Variants in DEPDC5 observed in about 807,000 individuals in gnomAD.
The protein encoded by DEPDC5 is GATOR1 complex protein DEPDC5.
In DEPDC5, 73 loss-of-function variants were observed where a neutral mutation model predicts 217.3. The observed-to-expected ratio is 0.34, with a 90% confidence interval of 0.28 to 0.41. The LOEUF (loss-of-function observed/expected upper bound fraction) is 0.41. Ranked by LOEUF, DEPDC5 falls within the 10% of genes least tolerant of loss-of-function variation. The pLI is 1.00. For synonymous variants in DEPDC5, 733 were observed against 756.7 expected (o/e 0.97, Z 0.51); for missense variants, 1,675 against 2,070.1 (o/e 0.81, Z 3.70).
chr22:31,781,549 C>T (rs1469568663), intron 8 of DEPDC5, among the ~76,000 whole-genome samples: 1 of 152,108 alleles, frequency 6.6e-6, no homozygotes, highest in Non-Finnish European at 1.5e-5. Flanking sequence ...TCTCTTGCCT[C>T]AGCCTCCTGA....
At chr22:31,777,907 C>A in intron 7 of DEPDC5, 192 bp from the exon 8 acceptor site, 1 of 574,108 alleles carries the variant, frequency 1.7e-6, no homozygotes, top group African/African-American at 1.9e-5. Flanking sequence ...GTCACCATGC[C>A]CGGCTAAATT....
intron 12 of DEPDC5, among the ~76,000 whole-genome samples, chr22:31,793,986 C>T (rs1319465390): frequency 6.6e-6 from 1 of 152,128 alleles, no homozygotes; most frequent in African/African-American, 2.4e-5. Context: ...ATTTAAATAT[C>T]ACAGCATCCC....
intron 31 of DEPDC5, among the ~76,000 whole-genome samples, chr22:31,854,257 T>G (rs1472844773): frequency 6.6e-6 from 1 of 152,244 alleles, no homozygotes; most frequent in East Asian, 1.9e-4. Context: ...AATCCCTGAC[T>G]CCTAGTCAGT....
chr22:31,888,342 C>T (rs1479203678), intron 38 of DEPDC5, among the ~76,000 whole-genome samples: 6 of 149,188 alleles, frequency 4.0e-5, no homozygotes, highest in Admixed American at 1.3e-4. Context: ...CTCCGCCTCC[C>T]GGTTTCAAGC....
intron 22 of DEPDC5, among the ~76,000 whole-genome samples, chr22:31,821,164 A>AT (rs1176998845): frequency 6.6e-6 from 1 of 152,190 alleles, no homozygotes; most frequent in Non-Finnish European, 1.5e-5. Flanking sequence ...TTTCACTTGT[A>AT]TTTCCCTCTT....
At chr22:31,896,141 A>G (rs2093548430) in intron 39 of DEPDC5, among the ~76,000 whole-genome samples, 1 of 152,142 alleles carries the variant, frequency 6.6e-6, no homozygotes, top group Non-Finnish European at 1.5e-5. Flanking sequence ...TACACCTTTC[A>G]CATCTGTTCA....
chr22:31,864,003 T>C (rs2149175836), intron 33 of DEPDC5, among the ~76,000 whole-genome samples: 1 of 152,302 alleles, frequency 6.6e-6, no homozygotes, highest in Admixed American at 6.5e-5. Context: ...CTTATGTTTA[T>C]TTATTATTTA....
intron 15 of DEPDC5, 86 bp downstream of exon 15, chr22:31,802,924 G>A (rs751054723): frequency 5.5e-6 from 8 of 1,450,288 alleles, no homozygotes; most frequent in Admixed American, 2.5e-5. Flanking sequence ...ACTTCTTAGA[G>A]TGTGAGGAGC....
intron 16 of DEPDC5, 95 bp from the exon 17 acceptor site, chr22:31,804,747 A>AT: frequency 1.6e-5 from 22 of 1,339,058 alleles, no homozygotes; most frequent in African/African-American, 2.9e-5. Context: ...GCCCTAAAAA[A>AT]TTTTTTTTAA....
intron 24 of DEPDC5, among the ~76,000 whole-genome samples, chr22:31,829,972 T>A (rs2090464533): frequency 1.3e-5 from 2 of 152,246 alleles, no homozygotes; most frequent in South Asian, 4.1e-4. Flanking sequence ...AGGCTTAGAA[T>A]CTGCAACTTG....
At chr22:31,864,854 A>AT (rs1189703477) in intron 33 of DEPDC5, among the ~76,000 whole-genome samples, 5 of 151,656 alleles carry the variant, frequency 3.3e-5, no homozygotes, top group East Asian at 1.9e-4. Flanking sequence ...ACAGCCAGAT[A>AT]TTTTTTTTGT....
chr22:31,774,450 C>T (rs989988772), intron 7 of DEPDC5, among the ~76,000 whole-genome samples: 1 of 151,948 alleles, frequency 6.6e-6, no homozygotes, highest in South Asian at 2.1e-4. Context: ...CTGCCTGCCT[C>T]GGCCTCCCAA....
intron 18 of DEPDC5, among the ~76,000 whole-genome samples, chr22:31,808,108 A>AT (rs983940957): frequency 1.5e-4 from 22 of 149,356 alleles, no homozygotes; most frequent in South Asian, 4.2e-4. Context: ...TGATTATTTT[A>AT]TTTTTTTTTT....
At chr22:31,857,360 C>T in intron 31 of DEPDC5, 85 bp from the exon 32 acceptor site, 1 of 1,124,662 alleles carries the variant, frequency 8.9e-7, no homozygotes, top group Non-Finnish European at 1.3e-6. Flanking sequence ...ATGACAGCAA[C>T]AGAGCTGTCT....
intron 12 of DEPDC5, among the ~76,000 whole-genome samples, chr22:31,796,676 T>C (rs1346585708): frequency 6.6e-6 from 1 of 151,988 alleles, no homozygotes; most frequent in Admixed American, 6.6e-5. Flanking sequence ...AGCAGCAATT[T>C]CTGTGTTCTC....
At chr22:31,754,769 A>G (rs904554289) in intron 1 of DEPDC5, 93 bp from the exon 2 acceptor site, 14 of 779,196 alleles carry the variant, frequency 1.8e-5, no homozygotes, top group Middle Eastern at 6.4e-4. Context: ...TTCACAGCAG[A>G]GGAACACCAG....
intron 10 of DEPDC5, among the ~76,000 whole-genome samples, chr22:31,789,528 A>T (rs1385093749): frequency 1.3e-5 from 2 of 152,164 alleles, no homozygotes. Flanking sequence ...GGGTGATGAA[A>T]ATGTTTTGGA....
intron 7 of DEPDC5, among the ~76,000 whole-genome samples, chr22:31,777,580 T>C (rs763902223): frequency 3.3e-5 from 5 of 151,152 alleles, no homozygotes; most frequent in Non-Finnish European, 4.4e-5. Context: ...TCTTTAGACC[T>C]ATATGTGGAC....
chr22:31,836,979 A>C lies in DEPDC5; in HGVS notation c.2178A>C (p.Thr726=), dbSNP rs559312468. 2 of 1,612,026 alleles carry C rather than the reference A, an allele frequency of 1.2e-6. No individual in the cohort carries two copies. Among genetic ancestry groups the C allele is most frequent in the African/African-American group, 2.7e-5 (2 of 74,262 alleles). The change falls in exon 26 of 43, where the codon ACA becomes ACC. Residue 726 remains threonine (T), a synonymous_variant. Coordinates refer to ENST00000651528, the MANE Select transcript of DEPDC5 (RefSeq NM_001242896.3). ...SVSTSPDPIL[T]LSAPPVVPGF... is the part of the protein sequence containing the mutation. ...CCCTGTTACGTGAGGCAGTTCTGAC[A>C]CTGTCTGCTCCCCCTGTAGTGCCAG...
Sources: gnomAD v4.1 joint callset for allele counts (sites outside exome capture counted in the v4.1 genomes callset) on GRCh38, gnomAD v4.1.1 for gene constraint, MANE v1.5 for transcripts, NCBI Gene and HGNC (gene_info 2026-07-23, HGNC 2026-07-21) for gene names.